RYR3: variants seen among roughly 807,000 people sequenced by gnomAD.
RYR3 encodes brain ryanodine receptor-calcium release channel.
A neutral mutation model predicts 584.3 loss-of-function variants in RYR3; 207 were observed. The observed-to-expected ratio is 0.35, with a 90% CI of 0.32 to 0.40. The LOEUF is 0.40. Among genes scored for constraint, RYR3 ranks in the 10% least tolerant of loss-of-function variants. The pLI, the probability that RYR3 is intolerant of heterozygous loss-of-function variation, is 1.00. For missense variants in RYR3, 5,616 were observed against 6,089.2 expected (o/e 0.92, Z 2.59); for synonymous variants, 2,416 against 2,248.5 (o/e 1.07, Z -2.11).
At chr15:33,605,840 A>G (rs2059879373) in intron 18 of RYR3, among the ~76,000 whole-genome samples, 1 of 152,236 alleles carries the variant, frequency 6.6e-6, no homozygotes, top group Non-Finnish European at 1.5e-5. Context: ...AACAGAAATA[A>G]CACTCCAACT....
At chr15:33,808,352 T>C (rs1201732237) in intron 70 of RYR3, among the ~76,000 whole-genome samples, 1 of 152,230 alleles carries the variant, frequency 6.6e-6, no homozygotes, top group East Asian at 1.9e-4. Context: ...ATAAATGTTT[T>C]ATATAAGTAG....
chr15:33,676,649 A>AT, intron 38 of RYR3, among the ~76,000 whole-genome samples: 1 of 152,028 alleles, frequency 6.6e-6, no homozygotes, highest in Non-Finnish European at 1.5e-5. Context: ...TTGCAAGAAG[A>AT]TTTTTTCCAC....
At chr15:33,430,270 C>G (rs2141717684) in intron 1 of RYR3, among the ~76,000 whole-genome samples, 1 of 152,314 alleles carries the variant, frequency 6.6e-6, no homozygotes, top group South Asian at 2.1e-4. Context: ...TCCGAACTCC[C>G]TGATGCGTTA....
At chr15:33,768,940 G>A (rs1234859732) in intron 61 of RYR3, among the ~76,000 whole-genome samples, 172 bp from the exon 62 acceptor site, 1 of 145,552 alleles carries the variant, frequency 6.9e-6, no homozygotes, top group African/African-American at 2.5e-5. Context: ...CCATCATAAA[G>A]CAAGGCTGTG....
At chr15:33,673,190 C>T (rs529507778) in intron 38 of RYR3, among the ~76,000 whole-genome samples, 33 of 152,318 alleles carry the variant, frequency 2.2e-4, no homozygotes, top group African/African-American at 6.5e-4. Context: ...CTGAACCCAA[C>T]GGAATTCAAT....
chr15:33,771,717 G>A (rs36099372), intron 62 of RYR3, among the ~76,000 whole-genome samples: 2 of 152,134 alleles, frequency 1.3e-5, no homozygotes, highest in African/African-American at 4.8e-5. Flanking sequence ...GTTTTCCTCA[G>A]ACTGTCCAGT....
At chr15:33,538,579 G>A (rs538455261) in intron 5 of RYR3, among the ~76,000 whole-genome samples, 6 of 152,322 alleles carry the variant, frequency 3.9e-5, no homozygotes, top group South Asian at 2.1e-4. Context: ...GCGTGGAGGA[G>A]GAGAGGTCTT....
At chr15:33,350,910 C>T (rs1298977153) in intron 1 of RYR3, among the ~76,000 whole-genome samples, 3 of 152,092 alleles carry the variant, frequency 2.0e-5, no homozygotes, top group African/African-American at 4.8e-5. Flanking sequence ...TAACCAAAGT[C>T]AGAGCAGAAC....
chr15:33,569,773 A>C (rs1456510676), intron 12 of RYR3, among the ~76,000 whole-genome samples: 4 of 151,958 alleles, frequency 2.6e-5, no homozygotes, highest in Non-Finnish European at 5.9e-5. Flanking sequence ...TGACTTTTTG[A>C]TTGTAGCCAT....
chr15:33,451,602 A>G (rs768586097), intron 1 of RYR3, among the ~76,000 whole-genome samples: 4 of 152,236 alleles, frequency 2.6e-5, no homozygotes, highest in Admixed American at 1.3e-4. Flanking sequence ...AGGATGGAAA[A>G]GAGGCTGGAA....
chr15:33,566,936 C>T (rs992376925), intron 12 of RYR3, 137 bp downstream of exon 12: 1 of 1,001,452 alleles, frequency 1.0e-6, no homozygotes, highest in African/African-American at 1.6e-5. Flanking sequence ...CCATCAAGAG[C>T]TTGAGACTGA....
intron 7 of RYR3, 127 bp downstream of exon 7, chr15:33,541,017 T>C: frequency 1.7e-6 from 1 of 605,622 alleles, no homozygotes; most frequent in Non-Finnish European, 3.0e-6. Context: ...TGATTTTAGC[T>C]CACTTGAGTT....
chr15:33,556,301 A>G (rs933572814), intron 10 of RYR3, among the ~76,000 whole-genome samples: 2 of 152,116 alleles, frequency 1.3e-5, no homozygotes, highest in East Asian at 1.9e-4. Flanking sequence ...TTACAACTCA[A>G]CCATCTCCAG....
In RYR3 at chr15:33,725,180, C is replaced by CACACACACACATATAT. The variant is rs1555427023; in HGVS notation, c.6912+1015_6912+1016insTATATACACACACACA. ...ACACACACACACACACACACACACA[C>CACACACACACATATAT]ACACACACACACACACACACACATA... On this transcript the variant is annotated intron_variant, in intron 45 of 103. Coordinates refer to ENST00000634891, the MANE Select transcript of RYR3 (RefSeq NM_001036.6). Among the ~76,000 whole-genome samples the CACACACACACATATAT allele has an allele frequency of 1.4e-3, 198 of 143,894 alleles. 1 individual carries two copies. The highest frequency in any genetic ancestry group is 4.9e-3 in the East Asian group (21 of 4,324). 94.4% of individuals were successfully genotyped at this position (143,894 alleles called of 152,430 possible).
Position 33,835,177 on chromosome 15 carries a change from C to G in RYR3, c.11568+105C>G. On this transcript the variant is annotated intron_variant, in intron 87 of 103. Transcript: ENST00000634891. ...TGTGGCTGCTTGATCAAAGGCTGGA[C>G]AAGCCATGCATATTAGGTCTCAGTT... 4.7e-6 allele frequency: 4 copies of G among 853,142 alleles called. No individual in the cohort carries two copies. In the South Asian group the frequency reaches 5.0e-5, roughly 11 times the overall value. 52.8% of individuals were successfully genotyped at this position (853,142 alleles called of 1,614,324 possible).
chr15:33,367,138 G>C (rs1475139942), intron 1 of RYR3, among the ~76,000 whole-genome samples: 1 of 152,178 alleles, frequency 6.6e-6, no homozygotes, highest in Admixed American at 6.5e-5. Flanking sequence ...TCAGTAGCCA[G>C]AGGCTGTGAT....
intron 27 of RYR3, among the ~76,000 whole-genome samples, chr15:33,640,247 A>G (rs907937212): frequency 6.6e-6 from 1 of 152,172 alleles, no homozygotes; most frequent in African/African-American, 2.4e-5. Context: ...GTCCCCTGTC[A>G]TTCTCTCTCC....
intron 10 of RYR3, among the ~76,000 whole-genome samples, chr15:33,557,477 C>G (rs2057142398): frequency 6.6e-6 from 1 of 152,178 alleles, no homozygotes; most frequent in Admixed American, 6.5e-5. Context: ...CTCCGACTCC[C>G]TGGTTCAAGC....
intron 45 of RYR3, among the ~76,000 whole-genome samples, chr15:33,726,079 AT>A (rs200077166): frequency 0.015 from 2,234 of 151,242 alleles, 30 homozygotes; most frequent in Middle Eastern, 0.042. Context: ...GTGCAGTCAC[AT>A]TGAGAAGCCA....
Sources: gnomAD v4.1 joint callset for allele counts (sites outside exome capture counted in the v4.1 genomes callset) on GRCh38, gnomAD v4.1.1 for gene constraint, MANE v1.5 for transcripts, NCBI Gene and HGNC (gene_info 2026-07-23, HGNC 2026-07-21) for gene names.